The following RAD51B variants were observed in gnomAD, a reference collection of about 807,000 sequenced individuals.
RAD51B encodes RAD51 paralog B, also known as DNA repair protein RAD51 homolog 2.
RAD51B carries 38 observed loss-of-function variants against 42.2 expected under a neutral mutation model. The observed-to-expected ratio is 0.90, with a 90% confidence interval of 0.70 to 1.18. RAD51B has a LOEUF of 1.18. Ranked by LOEUF, RAD51B falls within the 50% of genes most tolerant of loss-of-function variation. The pLI, the probability that RAD51B is intolerant of heterozygous loss-of-function variation, is 0.00. For missense variants in RAD51B, 373 were observed against 400.7 expected, an observed-to-expected ratio of 0.93 and a Z score of 0.59; for synonymous variants, 154 against 145.2, an observed-to-expected ratio of 1.06 and a Z score of -0.43.
At chr14:68,483,291 T>C (rs1883347063) in intron 10 of RAD51B, among the ~76,000 whole-genome samples, 1 of 152,200 alleles carries the variant, frequency 6.6e-6, no homozygotes, top group African/African-American at 2.4e-5. Context: ...ATATTCACGC[T>C]TGTATATACC....
chr14:68,062,095 T>C (rs535177390), intron 7 of RAD51B, among the ~76,000 whole-genome samples: 1 of 152,300 alleles, frequency 6.6e-6, no homozygotes, highest in South Asian at 2.1e-4. Flanking sequence ...TCATTGACAG[T>C]TTTTACTATA....
At chr14:67,908,568 A>C (rs1428263599) in intron 7 of RAD51B, 1 of 152,066 alleles carries the variant, frequency 6.6e-6, no homozygotes. Context: ...GACTGGATTA[A>C]GGTCCTTGGA....
chr14:68,499,927 C>A (rs1043967142), intron 10 of RAD51B, among the ~76,000 whole-genome samples: 1 of 152,182 alleles, frequency 6.6e-6, no homozygotes, highest in African/African-American at 2.4e-5. Flanking sequence ...CACTTTGTTG[C>A]TGCAGCCCTA....
chr14:68,514,805 C>A (rs190240453), intron 10 of RAD51B, among the ~76,000 whole-genome samples: 17 of 152,288 alleles, frequency 1.1e-4, no homozygotes, highest in Middle Eastern at 3.4e-3. Flanking sequence ...TTTTCAACTC[C>A]CAAATTACCT....
chr14:67,844,618 A>ATC (rs1460356555), intron 4 of RAD51B, among the ~76,000 whole-genome samples: 2 of 147,268 alleles, frequency 1.4e-5, no homozygotes, highest in Admixed American at 6.8e-5. Flanking sequence ...TATATTATAT[A>ATC]TATATATTTT....
chr14:68,225,304 T>C lies in RAD51B; in HGVS notation c.757-66580T>C, dbSNP rs1184960771. 3.9e-5 allele frequency among the ~76,000 whole-genome samples: 6 copies of C among 152,338 alleles called. No individual in the cohort carries two copies. In the South Asian group the frequency reaches 1.0e-3, roughly 26 times the overall value. ...AGATTCCTGTTCAGCTTATTTACTT[T>C]CTTACTTATGTCTTATCTGGATTCT... On this transcript the variant is annotated intron_variant, in intron 7 of 10. Coordinates refer to ENST00000471583, the MANE Select transcript of RAD51B (RefSeq NM_133510.4).
chr14:68,584,307 G>A (rs1229993009), intron 10 of RAD51B, among the ~76,000 whole-genome samples: 1 of 152,158 alleles, frequency 6.6e-6, no homozygotes, highest in Non-Finnish European at 1.5e-5. Context: ...ACCTCCTTGG[G>A]GCCACATAAG....
intron 7 of RAD51B, chr14:68,069,501 A>C (rs938147065): frequency 2.6e-5 from 4 of 152,100 alleles, no homozygotes. Context: ...TGTGTACTGA[A>C]TATTTAGCCC....
At chr14:67,959,168 C>A (rs1451685046) in intron 7 of RAD51B, among the ~76,000 whole-genome samples, 1 of 152,024 alleles carries the variant, frequency 6.6e-6, no homozygotes, top group Admixed American at 6.6e-5. Flanking sequence ...ATAATAATCA[C>A]CTGCTAGTGT....
intron 7 of RAD51B, among the ~76,000 whole-genome samples, chr14:67,964,374 A>C (rs2074726797): frequency 6.6e-6 from 1 of 152,194 alleles, no homozygotes; most frequent in Admixed American, 6.5e-5. Flanking sequence ...CAGAAGATTA[A>C]AAACAAAGCA....
At chr14:68,068,691 A>G (rs1350558804) in intron 7 of RAD51B, among the ~76,000 whole-genome samples, 5 of 152,176 alleles carry the variant, frequency 3.3e-5, no homozygotes, top group Non-Finnish European at 7.4e-5. Flanking sequence ...GGAACTGTTA[A>G]ATTGGTTTCC....
chr14:67,964,587 A>G (rs1240492733), intron 7 of RAD51B, among the ~76,000 whole-genome samples: 2 of 152,104 alleles, frequency 1.3e-5, no homozygotes, highest in African/African-American at 2.4e-5. Flanking sequence ...ATCTCCTCCT[A>G]AGGTTTTTTA....
intron 7 of RAD51B, among the ~76,000 whole-genome samples, chr14:68,185,834 G>A (rs1361216706): frequency 6.6e-6 from 1 of 152,160 alleles, no homozygotes; most frequent in Admixed American, 6.5e-5. Flanking sequence ...AGGAGGTGAA[G>A]TTCACCTCCT....
At chr14:68,502,372 G>T (rs1293594299) in intron 10 of RAD51B, among the ~76,000 whole-genome samples, 1 of 152,150 alleles carries the variant, frequency 6.6e-6, no homozygotes, top group Admixed American at 6.5e-5. Context: ...GGAGGGGGGC[G>T]CACAGCTGCA....
At chr14:68,306,351 C>T (rs2081861912) in intron 8 of RAD51B, among the ~76,000 whole-genome samples, 1 of 152,182 alleles carries the variant, frequency 6.6e-6, no homozygotes, top group Non-Finnish European at 1.5e-5. Flanking sequence ...TTTATTTACC[C>T]ATGACTTAGG....
At chr14:68,187,061 G>T (rs1302163805) in intron 7 of RAD51B, among the ~76,000 whole-genome samples, 1 of 152,160 alleles carries the variant, frequency 6.6e-6, no homozygotes, top group Non-Finnish European at 1.5e-5. Context: ...GCAGCAACAT[G>T]GATGCAGCTG....
intron 10 of RAD51B, among the ~76,000 whole-genome samples, chr14:68,647,664 T>C (rs1376611431): frequency 2.6e-5 from 4 of 152,172 alleles, no homozygotes; most frequent in Non-Finnish European, 5.9e-5. Context: ...AATTCTAAAC[T>C]TGAAGTACAT....
intron 7 of RAD51B, among the ~76,000 whole-genome samples, chr14:68,258,846 C>T (rs2080815587): frequency 6.6e-6 from 1 of 152,180 alleles, no homozygotes. Flanking sequence ...CAAGCCAGCT[C>T]AGATGACAAG....
intron 7 of RAD51B, among the ~76,000 whole-genome samples, chr14:68,062,103 A>C (rs1341840202): frequency 6.6e-6 from 1 of 152,186 alleles, no homozygotes; most frequent in East Asian, 1.9e-4. Flanking sequence ...AGTTTTTACT[A>C]TAAAGGGATG....
Sources: allele counts gnomAD v4.1 joint callset (sites outside exome capture counted in the v4.1 genomes callset), GRCh38; gene constraint gnomAD v4.1.1; transcripts MANE v1.5; gene names NCBI Gene and HGNC (gene_info 2026-07-23, HGNC 2026-07-21).